Variants in FBXL4 observed in about 807,000 individuals in gnomAD.
FBXL4 encodes F-box/LRR-repeat protein 4.
A neutral mutation model predicts 58.9 loss-of-function variants in FBXL4; 40 were observed. The ratio of observed to expected loss-of-function variants is 0.68; its 90% CI spans 0.53 to 0.88. The LOEUF is 0.88. FBXL4 is among the 40% of genes least tolerant of loss of function. The pLI is 0.00. For missense variants in FBXL4, 676 were observed against 734.4 expected, an observed-to-expected ratio of 0.92 and a Z score of 0.92; for synonymous variants, 263 against 265.5, an observed-to-expected ratio of 0.99 and a Z score of 0.09.
chr6:98,868,804 A>G lies in FBXL4; in HGVS notation c.*5474T>C, dbSNP rs914881097. On this transcript the variant is annotated 3_prime_UTR_variant, in exon 10 of 10. Transcript: ENST00000369244. ...CTTTACCAAATACATAGATTAAAAT[A>G]TCCCTAAATGTCAATTTTAGCAGGA... 2.6e-5 allele frequency: 4 copies of G among 152,226 alleles called. No individual in the cohort carries two copies. Among genetic ancestry groups the G allele is most frequent in the African/African-American group, 9.6e-5 (4 of 41,464 alleles). The allele number at this position is 152,226 out of a possible 1,614,324, so 9.4% of individuals were successfully genotyped here.
intron 8 of FBXL4, among the ~76,000 whole-genome samples, chr6:98,877,288 G>A (rs2128376785): frequency 6.6e-6 from 1 of 152,146 alleles, no homozygotes; most frequent in East Asian, 1.9e-4. Context: ...AAAACTGTGG[G>A]TTTGATAATT....
chr6:98,931,774 T>C (rs1397143351), intron 2 of FBXL4, among the ~76,000 whole-genome samples: 3 of 152,128 alleles, frequency 2.0e-5, no homozygotes, highest in Non-Finnish European at 2.9e-5. Flanking sequence ...GGGAAGAACA[T>C]ATGGAGAAGA....
At position 98,873,028 on chromosome 6, in the gene FBXL4, A is replaced by G. The variant is rs1002006489; in HGVS notation, c.*1250T>C. The stretch of plus-strand genomic sequence containing the variant: ...ATACATCGTTTTGTTAAAAAAATGA[A>G]TTAATTCTGCTACTCAGAAAGTAGA... On this transcript the variant is annotated 3_prime_UTR_variant, in exon 10 of 10. Transcript: ENST00000369244. 1.3e-5 allele frequency: 2 copies of G among 152,230 alleles called. No individual in the cohort carries two copies. Among genetic ancestry groups the G allele is most frequent in the Non-Finnish European group, 2.9e-5 (2 of 68,006 alleles). The allele number at this position is 152,230 out of a possible 1,614,324, so 9.4% of individuals were successfully genotyped here.
At chr6:98,942,738 G>A (rs912492923) in intron 1 of FBXL4, among the ~76,000 whole-genome samples, 1 of 151,908 alleles carries the variant, frequency 6.6e-6, no homozygotes, top group Admixed American at 6.6e-5. Flanking sequence ...ATAGCAATGT[G>A]GGAACAGAAT....
At chr6:98,944,777 T>C (rs775103917) in intron 1 of FBXL4, among the ~76,000 whole-genome samples, 3 of 152,156 alleles carry the variant, frequency 2.0e-5, no homozygotes, top group Non-Finnish European at 4.4e-5. Context: ...CTATGAAAGA[T>C]TCAGGTTCCC....
At chr6:98,933,288 C>G (rs369708435) in intron 2 of FBXL4, among the ~76,000 whole-genome samples, 7 of 152,132 alleles carry the variant, frequency 4.6e-5, no homozygotes, top group African/African-American at 1.7e-4. Context: ...TTTCTTCTTC[C>G]TAATTCTTCT....
chr6:98,880,986 CA>C (rs748035215), intron 7 of FBXL4, among the ~76,000 whole-genome samples: 80 of 152,156 alleles, frequency 5.3e-4, no homozygotes, highest in Middle Eastern at 3.4e-3. Flanking sequence ...CCTCCAAAAA[CA>C]AAAACAAAAA....
At chr6:98,913,296 A>G (rs200440263) in intron 5 of FBXL4, among the ~76,000 whole-genome samples, 10,650 of 151,634 alleles carry the variant, frequency 0.07, 555 homozygotes, top group East Asian at 0.27. Context: ...GGATACCCAG[A>G]AATTGAACTC....
intron 9 of FBXL4, among the ~76,000 whole-genome samples, chr6:98,874,839 C>G (rs1417708491): frequency 6.6e-6 from 1 of 152,170 alleles, no homozygotes; most frequent in Non-Finnish European, 1.5e-5. Context: ...ACAATGATAA[C>G]TACTGTGACA....
chr6:98,939,628 T>A (rs372042593), intron 1 of FBXL4, among the ~76,000 whole-genome samples: 5 of 152,340 alleles, frequency 3.3e-5, no homozygotes, highest in African/African-American at 1.2e-4. Context: ...AAATGACAGG[T>A]AACCATAGCT....
At chr6:98,922,909 G>C (rs1312478189) in intron 4 of FBXL4, among the ~76,000 whole-genome samples, 1 of 152,106 alleles carries the variant, frequency 6.6e-6, no homozygotes, top group Non-Finnish European at 1.5e-5. Flanking sequence ...TGATTATTAT[G>C]TTACTAGTTT....
At chr6:98,894,446 A>C (rs1460680433) in intron 7 of FBXL4, among the ~76,000 whole-genome samples, 1 of 152,118 alleles carries the variant, frequency 6.6e-6, no homozygotes, top group African/African-American at 2.4e-5. Context: ...GATCCACCAA[A>C]TTCAGGAGGA....
intron 1 of FBXL4, 101 bp from the exon 2 acceptor site, chr6:98,934,980 G>C (rs1466137720): frequency 6.6e-6 from 1 of 152,206 alleles, no homozygotes; most frequent in African/African-American, 2.4e-5. Context: ...AATCCAAAAA[G>C]TCTGGAATAC....
intron 2 of FBXL4, among the ~76,000 whole-genome samples, chr6:98,933,923 C>T (rs992882718): frequency 1.3e-5 from 2 of 151,930 alleles, no homozygotes; most frequent in African/African-American, 2.4e-5. Flanking sequence ...AGAGAGGAAA[C>T]GGGTAATAAA....
chr6:98,912,489 T>C (rs1772130907), intron 5 of FBXL4, among the ~76,000 whole-genome samples: 1 of 152,172 alleles, frequency 6.6e-6, no homozygotes, highest in East Asian at 1.9e-4. Context: ...CGGCAGAAAC[T>C]CTACAAGCCA....
At chr6:98,890,903 A>G (rs1362737320) in intron 7 of FBXL4, among the ~76,000 whole-genome samples, 3 of 152,166 alleles carry the variant, frequency 2.0e-5, no homozygotes, top group East Asian at 1.9e-4. Flanking sequence ...TGGGCATCAC[A>G]GCGAGACTCC....
At chr6:98,878,230 T>C (rs1012281098) in intron 8 of FBXL4, among the ~76,000 whole-genome samples, 18 of 152,190 alleles carry the variant, frequency 1.2e-4, no homozygotes, top group African/African-American at 3.9e-4. Context: ...AATCTAAACA[T>C]TGCTATTATA....
In FBXL4 at chr6:98,917,501, T is replaced by C. The variant is rs141193306; in HGVS notation, c.731A>G (p.Asn244Ser). The C allele has an allele frequency of 1.2e-5, 19 of 1,613,988 alleles. No homozygotes were observed. Among genetic ancestry groups the C allele is most frequent in the Non-Finnish European group, 1.5e-5 (18 of 1,179,956 alleles). ...TGCATAGGCATCATCTTCTATATCA[T>C]TCATGTCAATAAGTGAAGTCTTGAG... Reference protein sequence around the residue: ...LSLKTSLIDMNDIEDDAYAEK... With the variant: ...LSLKTSLIDMSDIEDDAYAEK... Residue 244 changes from asparagine to serine, a missense_variant, in exon 5 of 10, where the codon AAT (asparagine) becomes AGT (serine). Physicochemically the swap from Asn to Ser is conservative, Grantham distance 46. Transcript: ENST00000369244.
chr6:98,913,722 T>C (rs1321215276), intron 5 of FBXL4, among the ~76,000 whole-genome samples: 14 of 152,276 alleles, frequency 9.2e-5, no homozygotes, highest in African/African-American at 2.2e-4. Flanking sequence ...AGGAAAGATC[T>C]AAAATTGACA....
Sources: allele counts gnomAD v4.1 joint callset (sites outside exome capture counted in the v4.1 genomes callset), GRCh38; gene constraint gnomAD v4.1.1; transcripts MANE v1.5; gene names NCBI Gene and HGNC (gene_info 2026-07-23, HGNC 2026-07-21).